The following CERKL variants were observed in gnomAD, a reference collection of about 807,000 sequenced individuals.
CERKL encodes the protein CERK like autophagy regulator.
Under a neutral mutation model 63.4 loss-of-function variants are expected in CERKL, and 61 were observed. That is an observed-to-expected ratio of 0.96 (90% confidence interval 0.78 to 1.19). CERKL has a LOEUF of 1.19. Ranked by LOEUF, CERKL falls within the 50% of genes most tolerant of loss-of-function variation. CERKL has a pLI of 0.00. For missense variants in CERKL, 675 were observed against 655.5 expected (o/e 1.03, Z -0.33); for synonymous variants, 250 against 230.5 (o/e 1.08, Z -0.77).
rs1038767677 is a variant in CERKL, at chr2:181,550,037, C to T, written c.821-329G>A. ...ATATCAAAGCCCACTCCATCCCAACCTTAATGAATGGGTTTTTAGCTTCAA... is the reference window on the plus strand; with the variant it reads ...ATATCAAAGCCCACTCCATCCCAACTTTAATGAATGGGTTTTTAGCTTCAA... On this transcript the variant is annotated intron_variant, in intron 5 of 12. Coordinates refer to ENST00000410087, the MANE Select transcript of CERKL (RefSeq NM_201548.5). This position sits in a 1 kb window ranked among gnomAD's most constrained non-coding sequence, Gnocchi z 4.5. Among the ~76,000 whole-genome samples, 4 of 152,130 alleles carry T rather than the reference C, an allele frequency of 2.6e-5. No homozygotes were observed. Among genetic ancestry groups the T allele is most frequent in the Non-Finnish European group, 5.9e-5 (4 of 68,022 alleles).
chr2:181,595,060 T>G (rs1329702441), intron 2 of CERKL, among the ~76,000 whole-genome samples: 1 of 152,286 alleles, frequency 6.6e-6, no homozygotes, highest in Non-Finnish European at 1.5e-5. Context: ...TGACAGAAGT[T>G]ATTAAGTGAT....
At chr2:181,651,294 C>T (rs1687927353) in intron 1 of CERKL, among the ~76,000 whole-genome samples, 1 of 152,122 alleles carries the variant, frequency 6.6e-6, no homozygotes, top group African/African-American at 2.4e-5. Flanking sequence ...AAACCAAATC[C>T]AACAGCACAT....
intron 1 of CERKL, among the ~76,000 whole-genome samples, chr2:181,617,657 C>A (rs535751819): frequency 6.6e-6 from 1 of 151,980 alleles, no homozygotes; most frequent in African/African-American, 2.4e-5. Flanking sequence ...AATAGTAAAC[C>A]AAATTTTCCA....
chr2:181,622,743 CT>C (rs1487957029), intron 1 of CERKL, among the ~76,000 whole-genome samples: 1 of 152,048 alleles, frequency 6.6e-6, no homozygotes, highest in Non-Finnish European at 1.5e-5. Flanking sequence ...AAATGTCACC[CT>C]GAAAAATTTA....
intron 11 of CERKL, 137 bp from the exon 12 acceptor site, chr2:181,539,401 G>A (rs1340769254): frequency 8.0e-6 from 5 of 622,254 alleles, no homozygotes; most frequent in Non-Finnish European, 1.1e-5. Flanking sequence ...ACTATGAACA[G>A]GGATCTCCAA....
At chr2:181,597,781 A>G (rs1319223072) in intron 2 of CERKL, among the ~76,000 whole-genome samples, 1 of 152,316 alleles carries the variant, frequency 6.6e-6, no homozygotes, top group East Asian at 1.9e-4. Context: ...CTGTAGCACC[A>G]GATCCCCAGC....
Position 181,656,428 on chromosome 2 carries a change from T to C in CERKL, c.238+341A>G, listed in dbSNP as rs142656388. 9.1e-3 allele frequency among the ~76,000 whole-genome samples: 1,382 copies of C among 152,274 alleles called. 7 individuals carry two copies. Among genetic ancestry groups the C allele is most frequent in the Non-Finnish European group, 0.015 (994 of 68,004 alleles). On this transcript the variant is annotated intron_variant, in intron 1 of 12. Coordinates refer to ENST00000410087, the MANE Select transcript of CERKL (RefSeq NM_201548.5). ...GGAGGAGTAGTTGACCTTCTCACAT[T>C]TGTAAATTACCTCCCCTTTGGGGCT...
intron 2 of CERKL, among the ~76,000 whole-genome samples, chr2:181,597,314 G>C (rs899562648): frequency 6.6e-6 from 1 of 152,134 alleles, no homozygotes; most frequent in African/African-American, 2.4e-5. Context: ...ATCCTTTAAA[G>C]ACTTAACCAG....
intron 3 of CERKL, among the ~76,000 whole-genome samples, chr2:181,572,796 G>T (rs3889746): frequency 0.48 from 52,635 of 110,700 alleles, 10,386 homozygotes; most frequent in African/African-American, 0.59. Context: ...TTTTTTTTTT[G>T]AACTTTCTTC....
At position 181,593,788 on chromosome 2, in the gene CERKL, T is replaced by A. The variant is rs1245435706; in HGVS notation, c.481+10049A>T. ...CTCCTTTCCAGTGTTGCGACATTTT[T>A]AATATACTTGACAATAATATACTTA... On this transcript the variant is annotated intron_variant, in intron 2 of 12. Coordinates refer to ENST00000410087, the MANE Select transcript of CERKL (RefSeq NM_201548.5). 2.0e-5 allele frequency among the ~76,000 whole-genome samples: 3 copies of A among 151,792 alleles called. No individual in the cohort carries two copies. The East Asian group carries it at 5.8e-4, about 29-fold the overall frequency.
intron 3 of CERKL, among the ~76,000 whole-genome samples, chr2:181,570,126 T>C (rs1255646819): frequency 6.6e-6 from 1 of 152,190 alleles, no homozygotes; most frequent in East Asian, 1.9e-4. Flanking sequence ...AAAGGGCACC[T>C]TTTTGTAAGT....
At chr2:181,631,104 G>C (rs1686937334) in intron 1 of CERKL, among the ~76,000 whole-genome samples, 1 of 152,104 alleles carries the variant, frequency 6.6e-6, no homozygotes, top group Admixed American at 6.5e-5. Flanking sequence ...TACAAATAAA[G>C]GTAACTGAGA....
Position 181,604,091 on chromosome 2 carries a change from A to AT in CERKL, c.239-13dup, listed in dbSNP as rs112358358. ...ATACTTAGAATCACCTGAAAAAAAA[A>AT]TAAATTTTCCAATTAAAACCATTGT... On this transcript the variant is annotated splice_polypyrimidine_tract_variant and intron_variant, in intron 1 of 12. Coordinates refer to ENST00000410087, the MANE Select transcript of CERKL (RefSeq NM_201548.5). 3 of 1,580,670 alleles carry AT rather than the reference A, an allele frequency of 1.9e-6. No homozygotes were observed. The highest frequency in any genetic ancestry group is 2.7e-5 in the African/African-American group (2 of 72,736).
At chr2:181,613,220 C>CT (rs1491441367) in intron 1 of CERKL, among the ~76,000 whole-genome samples, 1 of 152,124 alleles carries the variant, frequency 6.6e-6, no homozygotes, top group East Asian at 1.9e-4. Flanking sequence ...ATAAGTTTGA[C>CT]TTTTTTGGAT....
intron 11 of CERKL, among the ~76,000 whole-genome samples, chr2:181,543,578 G>C (rs1687599630): frequency 6.6e-6 from 1 of 152,180 alleles, no homozygotes; most frequent in Admixed American, 6.5e-5. Context: ...GGAGAGACTT[G>C]CTATGGCTAA....
chr2:181,653,011 G>C (rs1688005342), intron 1 of CERKL, among the ~76,000 whole-genome samples: 2 of 152,182 alleles, frequency 1.3e-5, no homozygotes, highest in African/African-American at 2.4e-5. Flanking sequence ...CTGACCTCGT[G>C]ATCTGCCCGC....
intron 2 of CERKL, among the ~76,000 whole-genome samples, chr2:181,574,232 A>G (rs77161080): frequency 0.019 from 2,925 of 152,214 alleles, 74 homozygotes; most frequent in African/African-American, 0.064. Flanking sequence ...TTGTTTCTGG[A>G]AAAAAAGCAA....
chr2:181,552,045 G>A (rs1183064440), intron 5 of CERKL, among the ~76,000 whole-genome samples: 1 of 152,120 alleles, frequency 6.6e-6, no homozygotes, highest in Non-Finnish European at 1.5e-5. Flanking sequence ...TATGCTAGGT[G>A]AAATAAGACA....
intron 1 of CERKL, among the ~76,000 whole-genome samples, chr2:181,630,402 C>T (rs565983137): frequency 3.9e-5 from 6 of 152,130 alleles, no homozygotes; most frequent in Admixed American, 6.5e-5. Context: ...TAGCAAATCA[C>T]GTGTTATGGA....
Sources: gnomAD v4.1 joint callset for allele counts (sites outside exome capture counted in the v4.1 genomes callset) on GRCh38, gnomAD v4.1.1 for gene constraint, Gnocchi (gnomAD v3.1) non-coding constraint, MANE v1.5 for transcripts, NCBI Gene and HGNC (gene_info 2026-07-23, HGNC 2026-07-21) for gene names.